The following GAREM1 variants were observed in gnomAD, a reference collection of about 807,000 sequenced individuals.
GAREM1 encodes the protein GRB2 associated regulator of MAPK1 subtype 1, also known as GRB2-associated and regulator of MAPK protein 1.
GAREM1 carries 26 observed loss-of-function variants against 71.3 expected under a neutral mutation model. The observed-to-expected ratio is 0.36, with a 90% CI of 0.27 to 0.51. GAREM1 has a LOEUF of 0.51. GAREM1 is among the 20% of genes least tolerant of loss of function. The pLI is 0.95. For synonymous variants in GAREM1, 440 were observed against 433.2 expected, an observed-to-expected ratio of 1.02 and a Z score of -0.20; for missense variants, 1,026 against 1,103.1, an observed-to-expected ratio of 0.93 and a Z score of 0.99.
At chr18:32,281,703 G>A (rs192979596) in intron 4 of GAREM1, among the ~76,000 whole-genome samples, 98 of 152,252 alleles carry the variant, frequency 6.4e-4, no homozygotes, top group Middle Eastern at 3.4e-3. Flanking sequence ...GGCCGGGCAC[G>A]GTGGCTCATG....
chr18:32,467,307 C>T (rs147117636), intron 1 of GAREM1, among the ~76,000 whole-genome samples: 1 of 152,162 alleles, frequency 6.6e-6, no homozygotes, highest in Admixed American at 6.5e-5. Flanking sequence ...CTTTCCAGTC[C>T]TCAAGCTCTC....
Position 32,394,297 on chromosome 18 carries a change from G to T in GAREM1, c.122-1262C>A, listed in dbSNP as rs148660673. ...TATATCTGTAGTCCCAGCTACTTAGGAGGCTGAGATAGGAGGATCGCTTGA... is the reference window on the plus strand; with the variant it reads ...TATATCTGTAGTCCCAGCTACTTAGTAGGCTGAGATAGGAGGATCGCTTGA... On this transcript the variant is annotated intron_variant, in intron 1 of 5. Coordinates refer to ENST00000269209, the MANE Select transcript of GAREM1 (RefSeq NM_001242409.2). Among the ~76,000 whole-genome samples, 343 of 152,290 alleles carry T rather than the reference G, an allele frequency of 2.3e-3. 2 individuals are homozygous for T. The highest frequency in any genetic ancestry group is 7.9e-3 in the African/African-American group (330 of 41,558).
At chr18:32,404,316 A>G (rs2048346004) in intron 1 of GAREM1, among the ~76,000 whole-genome samples, 1 of 152,204 alleles carries the variant, frequency 6.6e-6, no homozygotes, top group African/African-American at 2.4e-5. Flanking sequence ...ATGACTAAAT[A>G]TAATATGTTG....
At chr18:32,291,254 CTTTT>C (rs754267205) in intron 3 of GAREM1, among the ~76,000 whole-genome samples, 4 of 128,786 alleles carry the variant, frequency 3.1e-5, no homozygotes, top group African/African-American at 5.8e-5. Flanking sequence ...ATACAGTATA[CTTTT>C]TTTTTGTTTA....
intron 3 of GAREM1, among the ~76,000 whole-genome samples, chr18:32,292,599 T>C (rs2047098271): frequency 6.6e-6 from 1 of 152,154 alleles, no homozygotes. Flanking sequence ...GCTGTTCTCG[T>C]GATAGTGAGT....
chr18:32,346,883 A>G (rs2047702234), intron 2 of GAREM1, among the ~76,000 whole-genome samples: 1 of 152,186 alleles, frequency 6.6e-6, no homozygotes, highest in Non-Finnish European at 1.5e-5. Flanking sequence ...AGAACTTCCT[A>G]CAAAAGGGAA....
At chr18:32,390,749 A>C (rs1209357377) in intron 2 of GAREM1, among the ~76,000 whole-genome samples, 1 of 152,238 alleles carries the variant, frequency 6.6e-6, no homozygotes, top group African/African-American at 2.4e-5. Context: ...AGGAAATCTT[A>C]TCTCACATTG....
intron 2 of GAREM1, among the ~76,000 whole-genome samples, chr18:32,385,200 A>T (rs2048134508): frequency 2.0e-5 from 3 of 150,958 alleles, no homozygotes. Context: ...TTTAAATAAA[A>T]TTTTTATATT....
intron 1 of GAREM1, among the ~76,000 whole-genome samples, chr18:32,452,918 GTA>G (rs1460282304): frequency 2.6e-5 from 4 of 151,004 alleles, no homozygotes; most frequent in African/African-American, 7.4e-5. Flanking sequence ...ATATAGGTAT[GTA>G]TGTGTGTGTG....
At chr18:32,388,536 C>T (rs1450445089) in intron 2 of GAREM1, among the ~76,000 whole-genome samples, 2 of 152,088 alleles carry the variant, frequency 1.3e-5, no homozygotes, top group Admixed American at 6.6e-5. Context: ...CTGGACAATA[C>T]GTTAACCAAG....
At chr18:32,439,825 ACT>A (rs2048716529) in intron 1 of GAREM1, among the ~76,000 whole-genome samples, 1 of 152,000 alleles carries the variant, frequency 6.6e-6, no homozygotes. Flanking sequence ...ATTCTGACAC[ACT>A]CTCTTACAAA....
chr18:32,429,597 T>C (rs895779350), intron 1 of GAREM1, among the ~76,000 whole-genome samples: 1 of 152,196 alleles, frequency 6.6e-6, no homozygotes, highest in African/African-American at 2.4e-5. Context: ...GTACTTCAAA[T>C]ACTAAAAGAG....
intron 2 of GAREM1, among the ~76,000 whole-genome samples, chr18:32,352,888 GC>G (rs1203224515): frequency 6.6e-6 from 1 of 152,164 alleles, no homozygotes. Context: ...AGTTCTCAAT[GC>G]CTCCCTTCTA....
chr18:32,354,879 A>G (rs2047789353), intron 2 of GAREM1, among the ~76,000 whole-genome samples: 1 of 152,228 alleles, frequency 6.6e-6, no homozygotes, highest in Non-Finnish European at 1.5e-5. Context: ...TGGTAAATTT[A>G]CCATGGAGAC....
intron 2 of GAREM1, among the ~76,000 whole-genome samples, chr18:32,372,138 C>A (rs1339877715): frequency 6.6e-6 from 1 of 152,184 alleles, no homozygotes; most frequent in East Asian, 1.9e-4. Context: ...ATAACCAACA[C>A]TGACATTTTG....
At chr18:32,282,096 C>T (rs2046958817) in intron 4 of GAREM1, among the ~76,000 whole-genome samples, 1 of 152,100 alleles carries the variant, frequency 6.6e-6, no homozygotes, top group Non-Finnish European at 1.5e-5. Context: ...ACGGCCCCAC[C>T]CCTATCTCCC....
chr18:32,295,050 T>A (rs759140307), intron 3 of GAREM1, among the ~76,000 whole-genome samples: 11 of 152,120 alleles, frequency 7.2e-5, no homozygotes, highest in Non-Finnish European at 1.6e-4. Context: ...GTCATATGTT[T>A]ATTTTTGTTG....
intron 1 of GAREM1, among the ~76,000 whole-genome samples, chr18:32,425,384 G>A (rs958026987): frequency 6.6e-6 from 1 of 152,136 alleles, no homozygotes; most frequent in African/African-American, 2.4e-5. Context: ...GAGGTAAACA[G>A]TGATTCCAAG....
intron 1 of GAREM1, among the ~76,000 whole-genome samples, chr18:32,439,283 A>G (rs939512363): frequency 6.6e-6 from 1 of 152,212 alleles, no homozygotes; most frequent in African/African-American, 2.4e-5. Flanking sequence ...GAGAAAAGAA[A>G]GAAGAGTTCT....
Sources: gnomAD v4.1 joint callset for allele counts (sites outside exome capture counted in the v4.1 genomes callset) on GRCh38, gnomAD v4.1.1 for gene constraint, MANE v1.5 for transcripts, NCBI Gene and HGNC (gene_info 2026-07-23, HGNC 2026-07-21) for gene names.